Variants in WDR70 observed in about 807,000 individuals in gnomAD.
The protein encoded by WDR70 is WD repeat domain 70.
WDR70 carries 53 observed loss-of-function variants against 88.6 expected under a neutral mutation model. The observed-to-expected ratio is 0.60, with a 90% CI of 0.48 to 0.75. The LOEUF is 0.75. WDR70 is among the 30% of genes least tolerant of loss of function. The pLI, the probability that WDR70 is intolerant of heterozygous loss-of-function variation, is 0.00. For missense variants in WDR70, 610 were observed against 823.2 expected, an observed-to-expected ratio of 0.74 and a Z score of 3.17; for synonymous variants, 280 against 270.0, an observed-to-expected ratio of 1.04 and a Z score of -0.36.
At chr5:37,553,739 G>A (rs1440814422) in intron 9 of WDR70, among the ~76,000 whole-genome samples, 1 of 152,188 alleles carries the variant, frequency 6.6e-6, no homozygotes, top group East Asian at 1.9e-4. Context: ...ATATAATGTA[G>A]TAGTTCTGAG....
chr5:37,500,716 C>CTTTTTT lies in WDR70; in HGVS notation c.841-15777_841-15772dup, dbSNP rs550821207. 4.1e-3 allele frequency among the ~76,000 whole-genome samples: 261 copies of CTTTTTT among 63,274 alleles called. 65 individuals are homozygous for CTTTTTT. Among genetic ancestry groups the CTTTTTT allele is most frequent in the East Asian group, 9.6e-3 (18 of 1,884 alleles). The allele number at this position is 63,274 out of a possible 152,430, so 41.5% of individuals were successfully genotyped here. A position where few individuals can be genotyped will look rare whatever the true frequency, so the allele number is the denominator to read the frequency against. The stretch of plus-strand genomic sequence containing the variant: ...GAGCATTTTATCATATATTTGTTGG[C>CTTTTTT]TTTTTTTTTTTTTTTTTTTTTTTTT... On this transcript the variant is annotated intron_variant, in intron 8 of 17. Transcript: ENST00000265107.
At chr5:37,526,723 T>C (rs555998844) in intron 9 of WDR70, among the ~76,000 whole-genome samples, 18 of 152,148 alleles carry the variant, frequency 1.2e-4, no homozygotes, top group Non-Finnish European at 2.4e-4. Context: ...TGATTGTGTA[T>C]TTAGAAAACC....
intron 9 of WDR70, among the ~76,000 whole-genome samples, chr5:37,577,849 T>C (rs973556588): frequency 6.6e-6 from 1 of 152,198 alleles, no homozygotes; most frequent in African/African-American, 2.4e-5. Flanking sequence ...GTTGGAAATG[T>C]AGAATTGCAG....
intron 9 of WDR70, among the ~76,000 whole-genome samples, chr5:37,517,748 T>G (rs1740932445): frequency 6.6e-6 from 1 of 150,548 alleles, no homozygotes. Context: ...TTGATAGCCA[T>G]GCAATGCATA....
chr5:37,443,219 T>G lies in WDR70; in HGVS notation c.553-20T>G, dbSNP rs1581281731. On this transcript the variant is annotated intron_variant, in intron 6 of 17. Transcript: ENST00000265107. ...ATGTCATTTTGCTCCGGTCATTTTA[T>G]TTTATTTTTTTAAAACCAGGTGTCT... 6.3e-7 allele frequency: 1 copy of G among 1,580,384 alleles called. No homozygotes were observed. The highest frequency in any genetic ancestry group is 2.3e-5 in the East Asian group (1 of 43,460).
rs55752936 is a variant in WDR70, at chr5:37,405,374, A to T, written c.492+8804A>T. 2.8e-3 allele frequency among the ~76,000 whole-genome samples: 417 copies of T among 150,976 alleles called. 5 individuals are homozygous for T. Among genetic ancestry groups the T allele is most frequent in the African/African-American group, 9.4e-3 (388 of 41,120 alleles). On this transcript the variant is annotated intron_variant, in intron 5 of 17. Transcript: ENST00000265107. Reference sequence around the variant, plus strand: ...TATACTTTTTTTTTTTTTGAGACAGACCCTCACTCTTGTTGCCCAGGCTGG... The same window carrying T: ...TATACTTTTTTTTTTTTTGAGACAGTCCCTCACTCTTGTTGCCCAGGCTGG...
chr5:37,697,212 T>C (rs1747008632), intron 10 of WDR70, among the ~76,000 whole-genome samples: 1 of 152,228 alleles, frequency 6.6e-6, no homozygotes, highest in African/African-American at 2.4e-5. Flanking sequence ...CCTCCAACCA[T>C]GTGCAGAGTG....
intron 10 of WDR70, among the ~76,000 whole-genome samples, chr5:37,664,100 T>C (rs1333389590): frequency 6.6e-6 from 1 of 152,174 alleles, no homozygotes; most frequent in African/African-American, 2.4e-5. Context: ...TACTCCTCCA[T>C]TAATGACACA....
chr5:37,462,793 G>C (rs1036852197), intron 7 of WDR70, among the ~76,000 whole-genome samples: 4 of 151,600 alleles, frequency 2.6e-5, no homozygotes, highest in Non-Finnish European at 5.9e-5. Context: ...TACTGTACTA[G>C]GTGTCTTTAT....
rs1003905119 is a variant in WDR70 at position 37,382,130 on chromosome 5, G to A, written c.175+445G>A. Among the ~76,000 whole-genome samples, 129 of 148,118 alleles carry A rather than the reference G, an allele frequency of 8.7e-4. 3 individuals carry two copies. The highest frequency in any genetic ancestry group is 2.2e-4 in the Non-Finnish European group (15 of 67,414). ...TTTTTTTTTTTTGAGATGGAGTCTCGCCCTGTTGCCCAGGCTGGAGTGCAA... is the reference window on the plus strand; with the variant it reads ...TTTTTTTTTTTTGAGATGGAGTCTCACCCTGTTGCCCAGGCTGGAGTGCAA... On this transcript the variant is annotated intron_variant, in intron 3 of 17. Transcript: ENST00000265107.
At chr5:37,497,055 G>A (rs375695540) in intron 8 of WDR70, among the ~76,000 whole-genome samples, 1 of 152,174 alleles carries the variant, frequency 6.6e-6, no homozygotes, top group Non-Finnish European at 1.5e-5. Flanking sequence ...TGTTTTCCTT[G>A]CTCAGAGGCA....
chr5:37,503,164 C>T (rs1740454183), intron 8 of WDR70, among the ~76,000 whole-genome samples: 1 of 152,048 alleles, frequency 6.6e-6, no homozygotes, highest in African/African-American at 2.4e-5. Context: ...TTTTTGGTTA[C>T]ATTTTTTCCT....
intron 17 of WDR70, 92 bp from the exon 18 acceptor site, chr5:37,752,394 C>T (rs916305633): frequency 4.1e-5 from 32 of 787,170 alleles, no homozygotes; most frequent in African/African-American, 1.1e-4. Context: ...TTATTCCCCA[C>T]ATTTGCTCCC....
chr5:37,700,842 A>G (rs1354687937), intron 11 of WDR70, among the ~76,000 whole-genome samples: 1 of 152,206 alleles, frequency 6.6e-6, no homozygotes, highest in East Asian at 1.9e-4. Context: ...TGCTCTTGCG[A>G]CTACCGCTTT....
rs1178675399 is a variant in WDR70 at position 37,605,161 on chromosome 5, A to T, written c.1015A>T (p.Thr339Ser). ...QGKKVIPTTC[T>S]YSRDGNLIAA... ...CAAAAAAGTCATTCCCACTACGTGC[A>T]CATATAGTAGAGATGGAAACCTCAT... Residue 339 changes from threonine to serine, a missense_variant, in exon 10 of 18, where the codon ACA (threonine) becomes TCA (serine). This residue lies in a region of WDR70 where 254 missense variants were observed against 300.7 expected (regional missense o/e 0.84). Coordinates refer to ENST00000265107, the MANE Select transcript of WDR70 (RefSeq NM_018034.4). 6.2e-7 allele frequency: 1 copy of T among 1,613,618 alleles called. No individual in the cohort carries two copies. The highest frequency in any genetic ancestry group is 1.3e-5 in the African/African-American group (1 of 75,038).
At chr5:37,381,446 T>C (rs1160123855) in intron 2 of WDR70, among the ~76,000 whole-genome samples, 156 bp from the exon 3 acceptor site, 1 of 152,228 alleles carries the variant, frequency 6.6e-6, no homozygotes, top group Non-Finnish European at 1.5e-5. Context: ...AGAAGTTTTC[T>C]GTGACTCAAA....
chr5:37,484,533 A>G (rs1000116145), intron 8 of WDR70, among the ~76,000 whole-genome samples: 1 of 152,272 alleles, frequency 6.6e-6, no homozygotes. Flanking sequence ...TTGGCATCAG[A>G]GGGAGACCGT....
chr5:37,473,230 T>A (rs998027495), intron 7 of WDR70, among the ~76,000 whole-genome samples: 1 of 47,046 alleles, frequency 2.1e-5, no homozygotes, highest in Non-Finnish European at 8.5e-5. Flanking sequence ...TTGGTCTTTT[T>A]ATTCTTTTTT....
chr5:37,550,036 A>AT (rs966825551), intron 9 of WDR70, among the ~76,000 whole-genome samples: 8 of 151,568 alleles, frequency 5.3e-5, no homozygotes, highest in South Asian at 2.1e-4. Context: ...TAATATTTGC[A>AT]TTTTTTTTAG....
Sources: gnomAD v4.1 joint callset for allele counts (sites outside exome capture counted in the v4.1 genomes callset) on GRCh38, gnomAD v4.1.1 for gene constraint, gnomAD v4.1.1 regional missense constraint, MANE v1.5 for transcripts, NCBI Gene and HGNC (gene_info 2026-07-23, HGNC 2026-07-21) for gene names.